NTN4: variants seen among roughly 807,000 people sequenced by gnomAD.
NTN4 encodes netrin 4, also known as netrin-4.
In NTN4, 32 loss-of-function variants were observed where a neutral mutation model predicts 73.6. That is an observed-to-expected ratio of 0.44 (90% CI 0.33 to 0.58). The LOEUF is 0.58. NTN4 is among the 20% of genes least tolerant of loss of function. The pLI, the probability that NTN4 is intolerant of heterozygous loss-of-function variation, is 0.04. For synonymous variants in NTN4, 258 were observed against 287.5 expected (o/e 0.90, Z 1.04); for missense variants, 654 against 798.3 (o/e 0.82, Z 2.18).
intron 3 of NTN4, among the ~76,000 whole-genome samples, chr12:95,717,960 C>T (rs996400702): frequency 1.3e-5 from 2 of 152,184 alleles, no homozygotes; most frequent in African/African-American, 4.8e-5. Flanking sequence ...AGTTTTCACA[C>T]TCGTATTTAA....
In NTN4 at chr12:95,683,549, G is replaced by T. The variant is rs745423084; in HGVS notation, c.1343C>A (p.Pro448Gln). The T allele has an allele frequency of 6.2e-7, 1 of 1,614,064 alleles. No homozygotes were observed. The highest frequency in any genetic ancestry group is 1.3e-5 in the African/African-American group (1 of 74,930). The change falls in exon 6 of 10, where the codon CCA becomes CAA. Residue 448 changes from proline to glutamine, a missense_variant. Transcript: ENST00000343702. Reference sequence around the variant, plus strand: ...GTCACAGCTCCCCGCACAGTCACATGGTCGACAGCCATAGTCTCCGAAGCC... The same window carrying T: ...GTCACAGCTCCCCGCACAGTCACATTGTCGACAGCCATAGTCTCCGAAGCC... Reference protein sequence around the residue: ...YWGFGDYGCRPCDCAGSCDPI... With the variant: ...YWGFGDYGCRQCDCAGSCDPI...
intron 2 of NTN4, among the ~76,000 whole-genome samples, chr12:95,780,422 A>G (rs533023914): frequency 6.6e-6 from 1 of 152,364 alleles, no homozygotes; most frequent in South Asian, 2.1e-4. Context: ...GCTAATATCC[A>G]GAATCTACAA....
At chr12:95,779,454 C>A (rs1381754668) in intron 2 of NTN4, among the ~76,000 whole-genome samples, 5 of 152,302 alleles carry the variant, frequency 3.3e-5, no homozygotes, top group Non-Finnish European at 5.9e-5. Flanking sequence ...CAACTTCAGC[C>A]AAGTCTCAGG....
chr12:95,713,884 AC>A (rs1258811167), intron 3 of NTN4, among the ~76,000 whole-genome samples: 1 of 152,084 alleles, frequency 6.6e-6, no homozygotes, highest in African/African-American at 2.4e-5. Context: ...TTATCTGACC[AC>A]CTATTTTATT....
intron 2 of NTN4, among the ~76,000 whole-genome samples, chr12:95,768,566 G>A (rs1040333202): frequency 1.3e-5 from 2 of 152,194 alleles, no homozygotes; most frequent in African/African-American, 4.8e-5. Context: ...CAAGAGGCCA[G>A]GGGGGCATTC....
At chr12:95,726,981 AT>A (rs1029483151) in intron 3 of NTN4, among the ~76,000 whole-genome samples, 3 of 134,572 alleles carry the variant, frequency 2.2e-5, no homozygotes, top group South Asian at 2.5e-4. Flanking sequence ...AAAAAAAAAA[AT>A]TTTTTTGGGG....
chr12:95,756,672 A>C, intron 2 of NTN4, among the ~76,000 whole-genome samples: 1 of 150,986 alleles, frequency 6.6e-6, no homozygotes, highest in African/African-American at 2.4e-5. Flanking sequence ...TGCCTGCTTG[A>C]CCTCTGGTGG....
chr12:95,675,199 A>C (rs1473769221), intron 7 of NTN4, among the ~76,000 whole-genome samples: 1 of 152,218 alleles, frequency 6.6e-6, no homozygotes, highest in Admixed American at 6.5e-5. Flanking sequence ...TCTCTTTCGC[A>C]CCTTCTTTCC....
rs1221455745 is a variant in NTN4 at position 95,787,420 on chromosome 12, T to C, written c.104A>G (p.Asn35Ser). The C allele has an allele frequency of 1.1e-5, 18 of 1,613,958 alleles. No individual in the cohort carries two copies. Among genetic ancestry groups the C allele is most frequent in the Non-Finnish European group, 1.4e-5 (17 of 1,180,040 alleles). ...GVSSRCEKAC[N>S]PRMGNLALGR... ...CAAAGCCAAATTTCCCATCCGAGGG[T>C]TGCAGGCTTTTTCACAGCGGGAACT... Residue 35 changes from asparagine to serine, a missense_variant, in exon 2 of 10, where the codon AAC becomes AGC. Coordinates refer to ENST00000343702, the MANE Select transcript of NTN4 (RefSeq NM_021229.4).
intron 2 of NTN4, among the ~76,000 whole-genome samples, chr12:95,738,930 TA>T (rs909135305): frequency 2.0e-5 from 3 of 152,142 alleles, no homozygotes; most frequent in African/African-American, 7.2e-5. Flanking sequence ...CTCCCTTGCT[TA>T]AACCACCCCC....
At chr12:95,680,566 G>A (rs550416107) in intron 7 of NTN4, among the ~76,000 whole-genome samples, 28 of 152,288 alleles carry the variant, frequency 1.8e-4, no homozygotes, top group African/African-American at 5.8e-4. Context: ...TATTTATAAT[G>A]GTGGAAAATT....
intron 8 of NTN4, among the ~76,000 whole-genome samples, chr12:95,666,761 T>C (rs1290976659): frequency 1.3e-5 from 2 of 152,224 alleles, no homozygotes; most frequent in Admixed American, 1.3e-4. Context: ...TTTTGCATAT[T>C]CCAAAGAGAT....
rs1202670783 is a variant in NTN4, at chr12:95,789,451, C to G, written c.55+804G>C. Among the ~76,000 whole-genome samples the G allele has an allele frequency of 6.6e-6, 1 of 152,192 alleles. No homozygotes were observed. The highest frequency in any genetic ancestry group is 1.5e-5 in the Non-Finnish European group (1 of 68,032). Reference sequence around the variant, plus strand: ...GCCTAACTGGAAACCAGGTGACCCGCAAGAGGGAGGGAGAGGAGCAGAAGG... The same window carrying G: ...GCCTAACTGGAAACCAGGTGACCCGGAAGAGGGAGGGAGAGGAGCAGAAGG... On this transcript the variant is annotated intron_variant, in intron 1 of 9. Transcript: ENST00000343702. This position sits in a 1 kb window ranked among gnomAD's most constrained non-coding sequence, Gnocchi z 4.0.
chr12:95,786,932 C>T lies in NTN4; in HGVS notation c.585+7G>A, dbSNP rs529079414. Reference sequence around the variant, plus strand: ...CTTACAGTGTAGAGTTAAACAGGTGCCCTTACCTCTCCTCCAGTGCATGGA... The same window carrying T: ...CTTACAGTGTAGAGTTAAACAGGTGTCCTTACCTCTCCTCCAGTGCATGGA... On this transcript the variant is annotated splice_region_variant and intron_variant, in intron 2 of 9. Transcript: ENST00000343702. 26 of 1,611,640 alleles carry T rather than the reference C, an allele frequency of 1.6e-5. No homozygotes were observed. In the East Asian group the frequency reaches 5.1e-4, roughly 32 times the overall value.
chr12:95,750,252 C>G (rs142575800), intron 2 of NTN4, among the ~76,000 whole-genome samples: 38,045 of 150,616 alleles, frequency 0.25, 5,239 homozygotes, highest in Non-Finnish European at 0.31. Flanking sequence ...GCCCCAACCC[C>G]TTTTCCCACT....
chr12:95,701,132 CT>C (rs1196967033), intron 5 of NTN4, among the ~76,000 whole-genome samples: 1 of 151,948 alleles, frequency 6.6e-6, no homozygotes, highest in Non-Finnish European at 1.5e-5. Context: ...AAAAATATGC[CT>C]GCTATAGAAA....
chr12:95,768,204 T>C (rs1167821056), intron 2 of NTN4, among the ~76,000 whole-genome samples: 1 of 152,140 alleles, frequency 6.6e-6, no homozygotes, highest in African/African-American at 2.4e-5. Context: ...TGCTAAAGAA[T>C]GTGGTAAGTG....
intron 8 of NTN4, among the ~76,000 whole-genome samples, chr12:95,667,740 G>A (rs1001688710): frequency 4.3e-4 from 65 of 152,056 alleles, no homozygotes; most frequent in African/African-American, 1.4e-3. Context: ...CATGCTTGTA[G>A]TCCCAGCTAC....
intron 2 of NTN4, 57 bp downstream of exon 2, chr12:95,786,882 G>C: frequency 6.4e-6 from 9 of 1,414,396 alleles, no homozygotes; most frequent in Non-Finnish European, 8.7e-6. Flanking sequence ...AAAAAAATGC[G>C]GGCTGGTAAC....
Sources: gnomAD v4.1 joint callset for allele counts (sites outside exome capture counted in the v4.1 genomes callset) on GRCh38, gnomAD v4.1.1 for gene constraint, Gnocchi (gnomAD v3.1) non-coding constraint, MANE v1.5 for transcripts, NCBI Gene and HGNC (gene_info 2026-07-23, HGNC 2026-07-21) for gene names.